RAB11FIP3: variants seen among roughly 807,000 people sequenced by gnomAD.
RAB11FIP3 encodes the protein RAB11 family interacting protein 3.
A neutral mutation model predicts 77.8 loss-of-function variants in RAB11FIP3; 17 were observed. That is an observed-to-expected ratio of 0.22 (90% confidence interval 0.15 to 0.33). RAB11FIP3 has a LOEUF of 0.33. Ranked by LOEUF, RAB11FIP3 falls within the 10% of genes least tolerant of loss-of-function variation. The probability of loss-of-function intolerance (pLI) is 1.00; values close to 1 mark genes in which losing one functional copy is unlikely to be tolerated. For missense variants in RAB11FIP3, 1,005 were observed against 1,011.2 expected, an observed-to-expected ratio of 0.99 and a Z score of 0.08; for synonymous variants, 437 against 448.2, an observed-to-expected ratio of 0.98 and a Z score of 0.31.
rs1263389100 is a variant in RAB11FIP3 at position 507,029 on chromosome 16, G to A, written c.1499+1402G>A. Among the ~76,000 whole-genome samples, 1 of 152,092 alleles carries A rather than the reference G, an allele frequency of 6.6e-6. No homozygotes were observed. The highest frequency in any genetic ancestry group is 1.9e-4 in the East Asian group (1 of 5,190). On this transcript the variant is annotated intron_variant, in intron 8 of 13. Coordinates refer to ENST00000262305, the MANE Select transcript of RAB11FIP3 (RefSeq NM_014700.4). This position sits in a 1 kb window ranked among gnomAD's most constrained non-coding sequence, Gnocchi z 4.6. ...TTGCTCAGGCTGAGTGCTGACTACA[G>A]CCTCCACCTCCCAGGCTCAAGCGAC...
At chr16:520,090 G>GC (rs1380911745) in intron 11 of RAB11FIP3, 32 bp from the exon 12 acceptor site, 3 of 1,539,970 alleles carry the variant, frequency 1.9e-6, no homozygotes, top group Admixed American at 2.0e-5. Context: ...GGGAGCCCAG[G>GC]CCCCCCGGCT....
chr16:482,705 G>A lies in RAB11FIP3; in HGVS notation c.1084G>A (p.Asp362Asn), dbSNP rs114654620. Residue 362 changes from aspartate (D) to asparagine (N), a missense_variant, in exon 4 of 14, where the codon GAC becomes AAC. This residue lies in a region of RAB11FIP3 where 433 missense variants were observed against 436.1 expected (regional missense o/e 0.99). Coordinates refer to ENST00000262305, the MANE Select transcript of RAB11FIP3 (RefSeq NM_014700.4). ...GTGCCTGGACGCCATGGAGGAGCCC[G>A]ACCATGGTGCCCTGCTGCTGCTCCC... ...SECLDAMEEP[D>N]HGALLLLPGR... 9.2e-4 allele frequency: 1,489 copies of A among 1,609,772 alleles called. 10 individuals carry two copies. In the African/African-American group the frequency reaches 0.017, roughly 18 times the overall value.
chr16:496,817 T>C lies in RAB11FIP3; in HGVS notation c.1266-7T>C, dbSNP rs761658565. ...CAATTTTCCTGTTTATTTTGTTTTCTGCACAGTCCGACAAAGCGGCTCTCC... is the reference window on the plus strand; with the variant it reads ...CAATTTTCCTGTTTATTTTGTTTTCCGCACAGTCCGACAAAGCGGCTCTCC... On this transcript the variant is annotated splice_polypyrimidine_tract_variant and splice_region_variant and intron_variant, in intron 5 of 13. Transcript: ENST00000262305. The C allele has an allele frequency of 3.1e-6, 5 of 1,590,660 alleles. No homozygotes were observed. In the South Asian group the frequency reaches 5.5e-5, roughly 18 times the overall value.
Position 522,044 on chromosome 16 carries a change from T to TGTGTGCGCGCGCGTGTGCGTGCGTGC in RAB11FIP3, c.*1205_*1206insGTGTGCGCGCGCGTGTGCGTGCGTGC, listed in dbSNP as rs58290701. 2.6e-5 allele frequency: 4 copies of TGTGTGCGCGCGCGTGTGCGTGCGTGC among 151,732 alleles called. No individual in the cohort carries two copies. The highest frequency in any genetic ancestry group is 2.9e-5 in the Non-Finnish European group (2 of 67,962). 9.4% of individuals were successfully genotyped at this position (151,732 alleles called of 1,614,324 possible). On this transcript the variant is annotated 3_prime_UTR_variant, in exon 14 of 14. Coordinates refer to ENST00000262305, the MANE Select transcript of RAB11FIP3 (RefSeq NM_014700.4). ...CGCTGCGTGTGTGTGCGCGCGCGTGTACGTGTGGCCCCACATCCGCCGCCT... is the reference window on the plus strand; with the variant it reads ...CGCTGCGTGTGTGTGCGCGCGCGTGTGTGTGCGCGCGCGTGTGCGTGCGTGCACGTGTGGCCCCACATCCGCCGCCT...
rs577573031 is a variant in RAB11FIP3, at chr16:469,578, T to C, written c.809-1717T>C. 2.6e-5 allele frequency among the ~76,000 whole-genome samples: 4 copies of C among 151,340 alleles called. No homozygotes were observed. The East Asian group carries it at 7.8e-4, about 30-fold the overall frequency. On this transcript the variant is annotated intron_variant, in intron 2 of 13. Transcript: ENST00000262305. ...ACCTGGCTAATTGTTTTTGTGGAGATGGGGTTTCACTGTGTTGGCTGGGAT... is the reference window on the plus strand; with the variant it reads ...ACCTGGCTAATTGTTTTTGTGGAGACGGGGTTTCACTGTGTTGGCTGGGAT...
chr16:510,776 T>C lies in RAB11FIP3; in HGVS notation c.1616T>C (p.Ile539Thr). 3.7e-6 allele frequency: 6 copies of C among 1,613,206 alleles called. No homozygotes were observed. Among genetic ancestry groups the C allele is most frequent in the Non-Finnish European group, 5.1e-6 (6 of 1,179,776 alleles). The change falls in exon 9 of 14, where the codon ATT (isoleucine) becomes ACT (threonine). Residue 539 changes from isoleucine (I) to threonine (T), a missense_variant. This residue lies in a region of RAB11FIP3 where 433 missense variants were observed against 436.1 expected (regional missense o/e 0.99). Coordinates refer to ENST00000262305, the MANE Select transcript of RAB11FIP3 (RefSeq NM_014700.4). ...LLCKMEREKS[I>T]EIENLQTRLQ... ...TGCAAGATGGAGAGGGAGAAGAGCA[T>C]TGAGATCGAGAACCTGCAGACCAGG...
rs1209824326 is a variant in RAB11FIP3 at position 506,105 on chromosome 16, G to A, written c.1499+478G>A. ...ACGCGACAGGACGCGCAGTCTCATC[G>A]CTGTGGGCAGGAGTGCTGGGGAGGA... On this transcript the variant is annotated intron_variant, in intron 8 of 13. Coordinates refer to ENST00000262305, the MANE Select transcript of RAB11FIP3 (RefSeq NM_014700.4). This position sits in a 1 kb window ranked among gnomAD's most constrained non-coding sequence, Gnocchi z 4.5. 6.6e-6 allele frequency among the ~76,000 whole-genome samples: 1 copy of A among 152,242 alleles called. No homozygotes were observed. Among genetic ancestry groups the A allele is most frequent in the Non-Finnish European group, 1.5e-5 (1 of 68,042 alleles).
At chr16:464,256 T>C (rs1383511027) in intron 2 of RAB11FIP3, among the ~76,000 whole-genome samples, 1 of 152,184 alleles carries the variant, frequency 6.6e-6, no homozygotes, top group Admixed American at 6.5e-5. Flanking sequence ...AGGTTGAGGC[T>C]GATGGGGCCG....
intron 6 of RAB11FIP3, among the ~76,000 whole-genome samples, chr16:498,643 C>G (rs528070831): frequency 2.6e-5 from 4 of 152,216 alleles, no homozygotes; most frequent in African/African-American, 9.6e-5. Flanking sequence ...CTCAGCCTCC[C>G]GAGCAGCTGA....
chr16:463,972 A>AG (rs2055661153), intron 2 of RAB11FIP3, among the ~76,000 whole-genome samples: 1 of 152,078 alleles, frequency 6.6e-6, no homozygotes, highest in Admixed American at 6.5e-5. Flanking sequence ...GGAGGGGTGG[A>AG]GGGGAGAAAG....
At chr16:499,649 A>G (rs879369241) in intron 6 of RAB11FIP3, among the ~76,000 whole-genome samples, 1 of 151,840 alleles carries the variant, frequency 6.6e-6, no homozygotes, top group Non-Finnish European at 1.5e-5. Context: ...TACAAAAATT[A>G]GTTAGGCATG....
chr16:519,487 G>A (rs1019471341), intron 10 of RAB11FIP3, among the ~76,000 whole-genome samples: 1 of 152,250 alleles, frequency 6.6e-6, no homozygotes, highest in Admixed American at 6.5e-5. Context: ...CAGCCACTGA[G>A]TCAGGTCCTG....
At chr16:455,612 T>G (rs9926557) in intron 1 of RAB11FIP3, among the ~76,000 whole-genome samples, 19,738 of 152,092 alleles carry the variant, frequency 0.13, 1,671 homozygotes, top group African/African-American at 0.23. Context: ...TGTTGTTTTT[T>G]GGGAGATAGG....
At chr16:465,831 CT>C (rs1247860448) in intron 2 of RAB11FIP3, among the ~76,000 whole-genome samples, 3 of 152,184 alleles carry the variant, frequency 2.0e-5, no homozygotes, top group African/African-American at 7.2e-5. Context: ...TCGTGAACTC[CT>C]GACCTCAGGT....
chr16:432,398 A>G lies in RAB11FIP3; in HGVS notation c.714+5678A>G, dbSNP rs532053360. 1.6e-3 allele frequency among the ~76,000 whole-genome samples: 239 copies of G among 152,112 alleles called. 1 individual carries two copies. The highest frequency in any genetic ancestry group is 5.6e-3 in the African/African-American group (233 of 41,508). ...CTCGAAAAACTAAAAAGAAACTAAA[A>G]CTAGTAGGTAAAATACTAGTAGATA... On this transcript the variant is annotated intron_variant, in intron 1 of 13. Coordinates refer to ENST00000262305, the MANE Select transcript of RAB11FIP3 (RefSeq NM_014700.4).
intron 4 of RAB11FIP3, among the ~76,000 whole-genome samples, chr16:486,916 G>T (rs1182171501): frequency 6.6e-6 from 1 of 152,212 alleles, no homozygotes; most frequent in Non-Finnish European, 1.5e-5. Flanking sequence ...TTCTGTCACA[G>T]TATCTGAGCC....
Position 502,818 on chromosome 16 carries a change from C to T in RAB11FIP3, c.1302-186C>T, listed in dbSNP as rs563447321. 135 of 596,346 alleles carry T rather than the reference C, an allele frequency of 2.3e-4. 2 individuals are homozygous for T. The South Asian group carries it at 2.6e-3, about 12-fold the overall frequency. 36.9% of individuals were successfully genotyped at this position (596,346 alleles called of 1,614,324 possible). On this transcript the variant is annotated intron_variant, in intron 6 of 13. Transcript: ENST00000262305. ...TCTCCCAGCCCCTGGTAAAGATGTC[C>T]AGCCTGGGACCTCCCCCTGTATATA...
intron 5 of RAB11FIP3, 21 bp downstream of exon 5, chr16:489,021 C>A: frequency 1.2e-6 from 2 of 1,608,110 alleles, no homozygotes; most frequent in Non-Finnish European, 1.7e-6. Context: ...CTTGTTCCAG[C>A]ACACCCTCCT....
At chr16:441,090 G>T (rs2055218136) in intron 1 of RAB11FIP3, among the ~76,000 whole-genome samples, 1 of 152,136 alleles carries the variant, frequency 6.6e-6, no homozygotes. Context: ...ACAGGTACCT[G>T]CCACCACGCC....
Sources: allele counts gnomAD v4.1 joint callset (sites outside exome capture counted in the v4.1 genomes callset), GRCh38; gene constraint gnomAD v4.1.1; regional missense constraint gnomAD v4.1.1; non-coding constraint Gnocchi (gnomAD v3.1); transcripts MANE v1.5; gene names NCBI Gene and HGNC (gene_info 2026-07-23, HGNC 2026-07-21).